Variants in PAPSS2 observed in about 807,000 individuals in gnomAD.
PAPSS2 encodes the protein 3'-phosphoadenosine 5'-phosphosulfate synthase 2.
A neutral mutation model predicts 66.5 loss-of-function variants in PAPSS2; 61 were observed. The observed-to-expected ratio is 0.92, with a 90% confidence interval of 0.75 to 1.14. The LOEUF is 1.14. Ranked by LOEUF, PAPSS2 falls within the 50% of genes most tolerant of loss-of-function variation. The pLI is 0.00. For missense variants in PAPSS2, 708 were observed against 789.6 expected (o/e 0.90, Z 1.24); for synonymous variants, 289 against 287.5 (o/e 1.01, Z -0.05).
At chr10:87,684,433 C>T (rs143063800) in intron 1 of PAPSS2, among the ~76,000 whole-genome samples, 2 of 152,366 alleles carry the variant, frequency 1.3e-5, no homozygotes, top group East Asian at 3.9e-4. Context: ...CTTCAGGGAG[C>T]AGCTCACATG....
At chr10:87,711,977 C>A (rs1301810927) in intron 2 of PAPSS2, among the ~76,000 whole-genome samples, 1 of 152,014 alleles carries the variant, frequency 6.6e-6, no homozygotes. Flanking sequence ...GAGTGCTAGC[C>A]TTTAGGGTAG....
chr10:87,673,463 G>C (rs1203992967), intron 1 of PAPSS2, among the ~76,000 whole-genome samples: 1 of 151,740 alleles, frequency 6.6e-6, no homozygotes, highest in Admixed American at 6.6e-5. Context: ...GCCAGCCTGG[G>C]ATTTTCTTCA....
At chr10:87,725,149 C>T (rs2131719220) in intron 8 of PAPSS2, among the ~76,000 whole-genome samples, 1 of 152,242 alleles carries the variant, frequency 6.6e-6, no homozygotes, top group South Asian at 2.1e-4. Flanking sequence ...TAAAAAGTAC[C>T]TCTACAGAAA....
At chr10:87,741,203 A>T in intron 9 of PAPSS2, 32 bp from the exon 10 acceptor site, 1 of 1,609,960 alleles carries the variant, frequency 6.2e-7, no homozygotes, top group Non-Finnish European at 8.5e-7. Context: ...ATCACAATTA[A>T]TCATTAGCAA....
chr10:87,713,217 A>T lies in PAPSS2; in HGVS notation c.288A>T (p.Arg96Ser). 1 of 1,608,892 alleles carries T rather than the reference A, an allele frequency of 6.2e-7. No homozygotes were observed. Among genetic ancestry groups the T allele is most frequent in the Non-Finnish European group, 8.5e-7 (1 of 1,177,230 alleles). The part of the protein sequence containing the change: ...NRNLGFSPGD[R>S]EENIRRIAEV... ...ATCTCGGATTCTCTCCTGGGGACAG[A>T]GAGGAAAATATCCGCCGGATTGCTG... The change falls in exon 3 of 13, where the codon AGA becomes AGT. Residue 96 changes from arginine (R) to serine (S), a missense_variant. Physicochemically the swap from Arg to Ser is moderately radical, Grantham distance 110 (BLOSUM62 -1). Coordinates refer to ENST00000456849, the MANE Select transcript of PAPSS2 (RefSeq NM_001015880.2).
chr10:87,735,863 C>T (rs1853792123), intron 9 of PAPSS2, among the ~76,000 whole-genome samples: 1 of 152,170 alleles, frequency 6.6e-6, no homozygotes, highest in African/African-American at 2.4e-5. Context: ...TATCCCAATC[C>T]CCCACTCCCT....
At chr10:87,664,424 C>T (rs958506227) in intron 1 of PAPSS2, among the ~76,000 whole-genome samples, 12 of 152,200 alleles carry the variant, frequency 7.9e-5, no homozygotes, top group Non-Finnish European at 1.3e-4. Context: ...TCCACCCTTC[C>T]TGTGCCTTCA....
At chr10:87,713,921 C>G in intron 3 of PAPSS2, 123 bp from the exon 4 acceptor site, 1 of 993,696 alleles carries the variant, frequency 1.0e-6, no homozygotes, top group Non-Finnish European at 1.6e-6. Context: ...CTCTCAAGCA[C>G]TCTGCAAAGC....
intron 9 of PAPSS2, among the ~76,000 whole-genome samples, chr10:87,736,113 T>C (rs1472140776): frequency 3.3e-5 from 5 of 152,116 alleles, no homozygotes; most frequent in Non-Finnish European, 7.4e-5. Flanking sequence ...CATTACATGT[T>C]TGACTGAGGA....
At chr10:87,733,798 C>T (rs1853759540) in intron 9 of PAPSS2, among the ~76,000 whole-genome samples, 1 of 152,054 alleles carries the variant, frequency 6.6e-6, no homozygotes, top group Admixed American at 6.5e-5. Context: ...CTGCATATAT[C>T]CTGCAAGTAC....
intron 1 of PAPSS2, among the ~76,000 whole-genome samples, chr10:87,694,431 A>C (rs1276066529): frequency 1.3e-5 from 2 of 152,232 alleles, no homozygotes; most frequent in East Asian, 3.8e-4. Flanking sequence ...TTAGGAAAGA[A>C]GCATCAAGGA....
At chr10:87,701,005 T>C (rs558626548) in intron 1 of PAPSS2, among the ~76,000 whole-genome samples, 2 of 151,912 alleles carry the variant, frequency 1.3e-5, no homozygotes, top group Non-Finnish European at 1.5e-5. Flanking sequence ...CAGGTATGTA[T>C]GATTAATGAT....
rs1273965277 is a variant in PAPSS2 at position 87,714,821 on chromosome 10, G to A, written c.597G>A (p.Val199=). The part of the protein sequence containing the change: ...ERVLKTNLST[V]SDCVHQVVEL... ...TGCTTAAAACCAATTTGTCCACAGT[G>A]AGTGACTGTGTCCACCAGGTAGTGG... Residue 199 remains valine, a synonymous_variant, in exon 5 of 13, where the codon GTG becomes GTA. Transcript: ENST00000456849. The A allele has an allele frequency of 6.2e-7, 1 of 1,611,954 alleles. No homozygotes were observed. Among genetic ancestry groups the A allele is most frequent in the Non-Finnish European group, 8.5e-7 (1 of 1,178,054 alleles).
intron 9 of PAPSS2, among the ~76,000 whole-genome samples, chr10:87,734,663 G>GTATATATA (rs66686947): frequency 1.7e-3 from 135 of 81,070 alleles, no homozygotes; most frequent in Non-Finnish European, 2.3e-3. Flanking sequence ...GAATGTGTGT[G>GTATATATA]TATATATATA....
At chr10:87,706,399 G>GA (rs1311789844) in intron 1 of PAPSS2, among the ~76,000 whole-genome samples, 5 of 151,332 alleles carry the variant, frequency 3.3e-5, no homozygotes, top group Admixed American at 6.6e-5. Flanking sequence ...CAAGGAAATT[G>GA]AAAAAAAGGA....
intron 1 of PAPSS2, among the ~76,000 whole-genome samples, chr10:87,701,336 CTT>C (rs1230379797): frequency 4.1e-5 from 2 of 49,224 alleles, no homozygotes; most frequent in Admixed American, 2.4e-4. Context: ...TCCTTTCTTT[CTT>C]TCTTTCTTTC....
At chr10:87,667,923 AT>A (rs1380366982) in intron 1 of PAPSS2, among the ~76,000 whole-genome samples, 1 of 152,254 alleles carries the variant, frequency 6.6e-6, no homozygotes, top group African/African-American at 2.4e-5. Flanking sequence ...TATGAAAAGT[AT>A]TGATTTTTAT....
intron 1 of PAPSS2, among the ~76,000 whole-genome samples, chr10:87,688,252 A>G (rs2131910384): frequency 6.6e-6 from 1 of 152,034 alleles, no homozygotes. Flanking sequence ...ACAATTAGGC[A>G]TGGAAATTAT....
chr10:87,708,741 A>G (rs1168649902), intron 1 of PAPSS2, among the ~76,000 whole-genome samples: 2 of 152,252 alleles, frequency 1.3e-5, no homozygotes, highest in Non-Finnish European at 2.9e-5. Flanking sequence ...CTAAATTAAT[A>G]GAATTAATAA....
Sources: allele counts gnomAD v4.1 joint callset (sites outside exome capture counted in the v4.1 genomes callset), GRCh38; gene constraint gnomAD v4.1.1; transcripts MANE v1.5; gene names NCBI Gene and HGNC (gene_info 2026-07-23, HGNC 2026-07-21).